The following HECW1 variants were observed in gnomAD, a reference collection of about 807,000 sequenced individuals.
HECW1 encodes the protein E3 ubiquitin-protein ligase HECW1.
HECW1 carries 61 observed loss-of-function variants against 182.3 expected under a neutral mutation model. That is an observed-to-expected ratio of 0.33 (90% confidence interval 0.27 to 0.41). HECW1 has a LOEUF of 0.41. Among genes scored for constraint, HECW1 ranks in the 10% least tolerant of loss-of-function variants. The pLI, the probability that HECW1 is intolerant of heterozygous loss-of-function variation, is 1.00. For synonymous variants in HECW1, 859 were observed against 832.6 expected, an observed-to-expected ratio of 1.03 and a Z score of -0.55; for missense variants, 1,739 against 2,108.9, an observed-to-expected ratio of 0.82 and a Z score of 3.44.
chr7:43,242,368 G>A (rs557595308), intron 2 of HECW1, among the ~76,000 whole-genome samples: 1 of 152,292 alleles, frequency 6.6e-6, no homozygotes, highest in African/African-American at 2.4e-5. Flanking sequence ...ACCGTTAGGA[G>A]GTAGGAGCAG....
At chr7:43,518,165 A>G (rs2080251511) in intron 24 of HECW1, among the ~76,000 whole-genome samples, 1 of 152,196 alleles carries the variant, frequency 6.6e-6, no homozygotes, top group South Asian at 2.1e-4. Flanking sequence ...AGACCTTTTT[A>G]GAGACAATCT....
At chr7:43,467,567 A>G (rs528157796) in intron 15 of HECW1, among the ~76,000 whole-genome samples, 1 of 152,130 alleles carries the variant, frequency 6.6e-6, no homozygotes, top group South Asian at 2.1e-4. Context: ...GGGGTTGATG[A>G]TGCATTTTCT....
chr7:43,335,729 T>G (rs1011623552), intron 5 of HECW1, among the ~76,000 whole-genome samples: 3 of 151,814 alleles, frequency 2.0e-5, no homozygotes, highest in Non-Finnish European at 4.4e-5. Context: ...TTTTTATCTC[T>G]TTCCTTCCTT....
chr7:43,304,959 CA>C (rs1807365394), intron 3 of HECW1, among the ~76,000 whole-genome samples: 1 of 152,212 alleles, frequency 6.6e-6, no homozygotes, highest in South Asian at 2.1e-4. Context: ...TTAGACAGAA[CA>C]TCTCATTCAG....
chr7:43,389,225 T>A (rs1409383209), intron 6 of HECW1, among the ~76,000 whole-genome samples: 4 of 152,336 alleles, frequency 2.6e-5, no homozygotes, highest in Non-Finnish European at 5.9e-5. Flanking sequence ...GAGAGTGGTG[T>A]TTCTCAAAGT....
intron 2 of HECW1, among the ~76,000 whole-genome samples, chr7:43,172,063 A>T (rs1791749401): frequency 6.7e-6 from 1 of 149,626 alleles, no homozygotes. Flanking sequence ...GGATAACTTG[A>T]GGTCTGGCGT....
chr7:43,540,377 A>G (rs1004951366), intron 24 of HECW1, among the ~76,000 whole-genome samples: 1 of 152,224 alleles, frequency 6.6e-6, no homozygotes, highest in Admixed American at 6.5e-5. Context: ...GGGAAAGCAT[A>G]GGATGCTAGA....
chr7:43,390,549 C>CAA (rs886464633), intron 6 of HECW1, among the ~76,000 whole-genome samples: 1 of 134,004 alleles, frequency 7.5e-6, no homozygotes, highest in African/African-American at 2.7e-5. Context: ...AAAAAAAAAA[C>CAA]AAAAAAAAAA....
chr7:43,312,488 C>A (rs1808659525), intron 4 of HECW1, among the ~76,000 whole-genome samples: 1 of 152,226 alleles, frequency 6.6e-6, no homozygotes, highest in South Asian at 2.1e-4. Context: ...CCAGCATAAT[C>A]TTTGCCAGCT....
chr7:43,192,927 G>A (rs1015014238), intron 2 of HECW1, among the ~76,000 whole-genome samples: 37 of 152,290 alleles, frequency 2.4e-4, no homozygotes, highest in African/African-American at 8.9e-4. Flanking sequence ...GTCATAAAAG[G>A]GTGGCTACTC....
Position 43,456,430 on chromosome 7 carries a change from G to A in HECW1, c.2634G>A (p.Met878Ile). 6.2e-7 allele frequency: 1 copy of A among 1,613,956 alleles called. No individual in the cohort carries two copies. The highest frequency in any genetic ancestry group is 8.5e-7 in the Non-Finnish European group (1 of 1,179,892). The part of the protein sequence containing the change: ...GMRRSGSIQQ[M>I]EQLNRRYQNI... Reference sequence around the variant, plus strand: ...GGAGATCGGGGTCCATCCAGCAGATGGAGCAACTCAACAGGCGGTTGGTGA... The same window carrying A: ...GGAGATCGGGGTCCATCCAGCAGATAGAGCAACTCAACAGGCGGTTGGTGA... Residue 878 changes from methionine to isoleucine, a missense_variant, in exon 13 of 30, where the codon ATG (methionine) becomes ATA (isoleucine). Physicochemically the swap from Met to Ile is conservative, Grantham distance 10. Coordinates refer to ENST00000395891, the MANE Select transcript of HECW1 (RefSeq NM_015052.5).
Position 43,258,077 on chromosome 7 carries a change from C to T in HECW1, c.27+14145C>T, listed in dbSNP as rs557877742. Among the ~76,000 whole-genome samples, 8 of 152,254 alleles carry T rather than the reference C, an allele frequency of 5.3e-5. No individual in the cohort carries two copies. The East Asian group carries it at 1.4e-3, about 26-fold the overall frequency. On this transcript the variant is annotated intron_variant, in intron 3 of 29. Transcript: ENST00000395891. Reference sequence around the variant, plus strand: ...AGTAAAGGCCAGGCGTGGTGGCTCACGCCTGTAATCTCAGCACTGTGGGAG... The same window carrying T: ...AGTAAAGGCCAGGCGTGGTGGCTCATGCCTGTAATCTCAGCACTGTGGGAG...
At chr7:43,467,590 C>T (rs1203192360) in intron 15 of HECW1, among the ~76,000 whole-genome samples, 10 of 151,834 alleles carry the variant, frequency 6.6e-5, no homozygotes, top group African/African-American at 1.9e-4. Context: ...GGCAGAGTGT[C>T]GGGGAGAGAC....
intron 2 of HECW1, among the ~76,000 whole-genome samples, chr7:43,221,617 T>C (rs1796981050): frequency 7.8e-6 from 1 of 128,122 alleles, no homozygotes; most frequent in Admixed American, 9.5e-5. Flanking sequence ...GCAGTGGCGC[T>C]ATCTCGGCTT....
In HECW1 at chr7:43,112,835, C is replaced by T; in HGVS notation, c.-369C>T. 4.4e-6 allele frequency: 1 copy of T among 227,880 alleles called. No homozygotes were observed. Among genetic ancestry groups the T allele is most frequent in the Non-Finnish European group, 8.7e-6 (1 of 114,564 alleles). The allele number at this position is 227,880 out of a possible 1,614,324, so 14.1% of individuals were successfully genotyped here. On this transcript the variant is annotated 5_prime_UTR_variant, in exon 1 of 30. Transcript: ENST00000395891. ...GCGGTCGCCAGGGTCCCCTCCCCAG[C>T]CAGTCCCAGGCGCCCGGTGCACTAT...
intron 2 of HECW1, among the ~76,000 whole-genome samples, chr7:43,192,187 G>T (rs1337836789): frequency 1.3e-5 from 2 of 152,136 alleles, no homozygotes; most frequent in African/African-American, 4.8e-5. Flanking sequence ...TCAAACTCCT[G>T]ACCTCAGGTG....
At chr7:43,351,397 G>A (rs1814427948) in intron 5 of HECW1, among the ~76,000 whole-genome samples, 1 of 152,148 alleles carries the variant, frequency 6.6e-6, no homozygotes, top group African/African-American at 2.4e-5. Flanking sequence ...GTATGCAGAG[G>A]GACCAGTGGT....
At chr7:43,533,494 C>T (rs1194732354) in intron 24 of HECW1, among the ~76,000 whole-genome samples, 1 of 152,102 alleles carries the variant, frequency 6.6e-6, no homozygotes, top group African/African-American at 2.4e-5. Context: ...TGGAGGCATC[C>T]AGGCATGGAT....
chr7:43,304,097 G>C (rs1807214072), intron 3 of HECW1, among the ~76,000 whole-genome samples: 1 of 152,140 alleles, frequency 6.6e-6, no homozygotes, highest in Admixed American at 6.5e-5. Context: ...TGATTTTTGT[G>C]ATCTCTTGTG....
Sources: allele counts gnomAD v4.1 joint callset (sites outside exome capture counted in the v4.1 genomes callset), GRCh38; gene constraint gnomAD v4.1.1; transcripts MANE v1.5; gene names NCBI Gene and HGNC (gene_info 2026-07-23, HGNC 2026-07-21).